The following EXTL3 variants were observed in gnomAD, a reference collection of about 807,000 sequenced individuals.
EXTL3 encodes the protein exostosin-like 3.
Under a neutral mutation model 69.3 loss-of-function variants are expected in EXTL3, and 27 were observed. The ratio of observed to expected loss-of-function variants is 0.39; its 90% CI spans 0.29 to 0.54. The LOEUF (loss-of-function observed/expected upper bound fraction) is 0.54. Ranked by LOEUF, EXTL3 falls within the 20% of genes least tolerant of loss-of-function variation. The pLI is 0.69. For missense variants in EXTL3, 1,003 were observed against 1,231.8 expected, an observed-to-expected ratio of 0.81 and a Z score of 2.78; for synonymous variants, 511 against 499.4, an observed-to-expected ratio of 1.02 and a Z score of -0.31.
chr8:28,710,386 G>A, intron 1 of EXTL3: 1 of 444,460 alleles, frequency 2.2e-6, no homozygotes, highest in Admixed American at 2.5e-5. Flanking sequence ...GTGAAAAGGG[G>A]TCAGAGAAAG....
intron 1 of EXTL3, among the ~76,000 whole-genome samples, chr8:28,682,035 G>A (rs1198227842): frequency 2.0e-5 from 3 of 152,176 alleles, no homozygotes; most frequent in African/African-American, 7.2e-5. Context: ...CTCCAGTCTG[G>A]GCAACAAGAG....
At chr8:28,628,009 G>A (rs542388291) in intron 1 of EXTL3, among the ~76,000 whole-genome samples, 74 of 152,270 alleles carry the variant, frequency 4.9e-4, no homozygotes, top group African/African-American at 1.8e-3. Flanking sequence ...GAAGGATGAT[G>A]GTGATGGTTA....
chr8:28,736,214 T>C (rs1801649654), intron 4 of EXTL3, among the ~76,000 whole-genome samples: 1 of 152,178 alleles, frequency 6.6e-6, no homozygotes, highest in African/African-American at 2.4e-5. Flanking sequence ...CCTAGAAGGC[T>C]GTTACATTGT....
At chr8:28,729,831 C>T (rs927466353) in intron 3 of EXTL3, among the ~76,000 whole-genome samples, 1 of 148,596 alleles carries the variant, frequency 6.7e-6, no homozygotes, top group African/African-American at 2.5e-5. Flanking sequence ...GATGAGACTT[C>T]GAGAACTCGC....
Position 28,729,292 on chromosome 8 carries a change from CAAAAAA to C in EXTL3, c.2149-1915_2149-1910del, listed in dbSNP as rs72487306. The stretch of plus-strand genomic sequence containing the variant: ...TCTGGGCCACAGTGAGACTCTATCT[CAAAAAA>C]AAAAAAAAAAAAAAATGTCTGGGTG... On this transcript the variant is annotated intron_variant, in intron 3 of 6. Coordinates refer to ENST00000220562, the MANE Select transcript of EXTL3 (RefSeq NM_001440.4). Among the ~76,000 whole-genome samples the C allele has an allele frequency of 2.2e-4, 16 of 74,052 alleles. No homozygotes were observed. In the East Asian group the frequency reaches 3.5e-3, roughly 16 times the overall value. 48.6% of individuals were successfully genotyped at this position (74,052 alleles called of 152,430 possible). A position where few individuals can be genotyped will look rare whatever the true frequency, so the allele number is the denominator to read the frequency against.
upstream of EXTL3, chr8:28,698,544 GTA>G (rs2130691053): frequency 1.3e-5 from 2 of 152,346 alleles, no homozygotes; most frequent in Admixed American, 1.3e-4. Context: ...GTATCAGAAA[GTA>G]TATATTAATA....
At chr8:28,696,962 T>C (rs1319097063), upstream of EXTL3, 1 of 152,220 alleles carries the variant, frequency 6.6e-6, no homozygotes, top group Non-Finnish European at 1.5e-5. Context: ...ATGTACACAT[T>C]GCTGCTAACT....
intron 3 of EXTL3, among the ~76,000 whole-genome samples, chr8:28,724,894 C>A (rs1034023345): frequency 2.0e-5 from 3 of 152,220 alleles, no homozygotes; most frequent in Admixed American, 1.3e-4. Context: ...TCCCCACTCA[C>A]TTCAAGCTCT....
chr8:28,696,363 CCTTA>C (rs1489635803), intron 1 of EXTL3: 2 of 152,186 alleles, frequency 1.3e-5, no homozygotes, highest in African/African-American at 2.4e-5. Flanking sequence ...CTTTTGTTCC[CCTTA>C]CTTAAGACTC....
At chr8:28,690,209 CTT>C (rs1800591460) in intron 1 of EXTL3, among the ~76,000 whole-genome samples, 2 of 151,764 alleles carry the variant, frequency 1.3e-5, no homozygotes, top group African/African-American at 4.8e-5. Context: ...TTTCTTCTCT[CTT>C]TCTTTCTTTT....
chr8:28,741,984 A>G (rs545270043), intron 5 of EXTL3: 1 of 152,354 alleles, frequency 6.6e-6, no homozygotes, highest in East Asian at 1.9e-4. Flanking sequence ...AAATTGCAAC[A>G]TATAGCAGTT....
intron 1 of EXTL3, among the ~76,000 whole-genome samples, chr8:28,636,365 G>A (rs1806655965): frequency 6.6e-6 from 1 of 151,020 alleles, no homozygotes; most frequent in African/African-American, 2.4e-5. Context: ...TAACTCGCCA[G>A]GAGACAAGAT....
At chr8:28,729,249 C>G (rs1321722051) in intron 3 of EXTL3, among the ~76,000 whole-genome samples, 1 of 130,610 alleles carries the variant, frequency 7.7e-6, no homozygotes, top group Non-Finnish European at 1.6e-5. Context: ...GAGCCGAGAT[C>G]ACACCACTGC....
chr8:28,664,444 G>A (rs1385349317), intron 1 of EXTL3, among the ~76,000 whole-genome samples: 3 of 152,120 alleles, frequency 2.0e-5, no homozygotes, highest in Admixed American at 6.6e-5. Context: ...GTGAAGTGAC[G>A]TGATCATGGC....
At chr8:28,677,455 C>A (rs1585246031) in intron 1 of EXTL3, among the ~76,000 whole-genome samples, 1 of 152,234 alleles carries the variant, frequency 6.6e-6, no homozygotes, top group South Asian at 2.1e-4. Flanking sequence ...GATGACTGAA[C>A]AGTAATGAAT....
At chr8:28,617,135 C>T (rs550000984) in intron 2 of EXTL3, among the ~76,000 whole-genome samples, 9 of 152,240 alleles carry the variant, frequency 5.9e-5, no homozygotes, top group African/African-American at 1.4e-4. Context: ...GGAGTGTCTG[C>T]AAGATTGCCC....
At chr8:28,730,720 C>T (rs1298998782) in intron 3 of EXTL3, among the ~76,000 whole-genome samples, 1 of 152,134 alleles carries the variant, frequency 6.6e-6, no homozygotes, top group Non-Finnish European at 1.5e-5. Flanking sequence ...GTAGGAATTT[C>T]AAAGGTGAAG....
intron 1 of EXTL3, among the ~76,000 whole-genome samples, chr8:28,658,164 G>C (rs1362540969): frequency 6.6e-6 from 1 of 151,986 alleles, no homozygotes; most frequent in Non-Finnish European, 1.5e-5. Context: ...TTCAGAGCCA[G>C]CCAAAGCTGA....
At chr8:28,725,107 A>G (rs999992811) in intron 3 of EXTL3, among the ~76,000 whole-genome samples, 3 of 152,098 alleles carry the variant, frequency 2.0e-5, no homozygotes, top group Non-Finnish European at 4.4e-5. Flanking sequence ...GATTTGCTAT[A>G]GGGATGTATT....
Sources: gnomAD v4.1 joint callset for allele counts (sites outside exome capture counted in the v4.1 genomes callset) on GRCh38, gnomAD v4.1.1 for gene constraint, MANE v1.5 for transcripts, NCBI Gene and HGNC (gene_info 2026-07-23, HGNC 2026-07-21) for gene names.